Variants in ARL8B observed in about 807,000 individuals in gnomAD.
ARL8B encodes ARF like GTPase 8B.
In ARL8B, 9 loss-of-function variants were observed where a neutral mutation model predicts 30.6. The observed-to-expected ratio is 0.29, with a 90% CI of 0.18 to 0.51. The LOEUF (loss-of-function observed/expected upper bound fraction) is 0.51, where lower values mean the gene tolerates loss of function less well. ARL8B is among the 20% of genes least tolerant of loss of function. The pLI is 0.97. For synonymous variants in ARL8B, 74 were observed against 76.0 expected (o/e 0.97, Z 0.14); for missense variants, 130 against 227.2 (o/e 0.57, Z 2.75).
intron 1 of ARL8B, among the ~76,000 whole-genome samples, chr3:5,140,854 C>G (rs775591876): frequency 1.3e-5 from 2 of 152,148 alleles, no homozygotes; most frequent in Non-Finnish European, 2.9e-5. Context: ...CATCCAAACC[C>G]AAAGAATGGA....
chr3:5,174,291 T>G, intron 5 of ARL8B, 53 bp from the exon 6 acceptor site: 1 of 1,265,494 alleles, frequency 7.9e-7, no homozygotes, highest in South Asian at 1.2e-5. Flanking sequence ...AACAAAGTGA[T>G]AAGTATGACA....
At chr3:5,168,564 C>T (rs1241894669) in intron 1 of ARL8B, among the ~76,000 whole-genome samples, 3 of 152,170 alleles carry the variant, frequency 2.0e-5, no homozygotes, top group Non-Finnish European at 4.4e-5. Flanking sequence ...TGAGAAAGCT[C>T]GGGGGTACCC....
chr3:5,172,354 T>C, intron 3 of ARL8B, 131 bp downstream of exon 3: 2 of 796,204 alleles, frequency 2.5e-6, no homozygotes, highest in Non-Finnish European at 2.1e-6. Flanking sequence ...AATATCCTAG[T>C]GTAATTCCCA....
intron 1 of ARL8B, among the ~76,000 whole-genome samples, chr3:5,162,764 A>G (rs1338051926): frequency 6.6e-6 from 1 of 152,144 alleles, no homozygotes; most frequent in Non-Finnish European, 1.5e-5. Flanking sequence ...GCCCAAATGA[A>G]TCTTTTATTT....
At chr3:5,134,568 T>G (rs1317682306) in intron 1 of ARL8B, among the ~76,000 whole-genome samples, 1 of 152,206 alleles carries the variant, frequency 6.6e-6, no homozygotes, top group Non-Finnish European at 1.5e-5. Context: ...TCTTGACATT[T>G]AAGTTGGGAT....
chr3:5,123,149 C>G (rs1299137989), intron 1 of ARL8B, among the ~76,000 whole-genome samples: 1 of 152,184 alleles, frequency 6.6e-6, no homozygotes, highest in African/African-American at 2.4e-5. Flanking sequence ...TCACCCGTCC[C>G]CCAGGCGCGG....
chr3:5,124,652 A>AT (rs1408574179), intron 1 of ARL8B, among the ~76,000 whole-genome samples: 1 of 151,452 alleles, frequency 6.6e-6, no homozygotes, highest in Non-Finnish European at 1.5e-5. Context: ...TTTAATTTTT[A>AT]TTTTTTATAA....
intron 1 of ARL8B, among the ~76,000 whole-genome samples, chr3:5,148,144 T>A (rs547053057): frequency 5.9e-5 from 9 of 152,156 alleles, no homozygotes; most frequent in African/African-American, 2.2e-4. Flanking sequence ...ATGATAGATA[T>A]CATTTCAGCC....
intron 6 of ARL8B, among the ~76,000 whole-genome samples, chr3:5,178,162 G>A (rs1320777315): frequency 1.3e-5 from 2 of 152,118 alleles, no homozygotes; most frequent in African/African-American, 4.8e-5. Flanking sequence ...CCATCCCTGT[G>A]CTTTAGTCAC....
At chr3:5,160,760 G>A (rs60842168) in intron 1 of ARL8B, among the ~76,000 whole-genome samples, 59,447 of 152,080 alleles carry the variant, frequency 0.39, 13,308 homozygotes, top group African/African-American at 0.64. Flanking sequence ...TTTATCTGCT[G>A]TATTCAATTT....
At chr3:5,142,369 C>T (rs1156977959) in intron 1 of ARL8B, among the ~76,000 whole-genome samples, 4 of 152,162 alleles carry the variant, frequency 2.6e-5, no homozygotes, top group Non-Finnish European at 4.4e-5. Flanking sequence ...GCTTTGGGAT[C>T]TGACCTCTGC....
In ARL8B at chr3:5,137,276, G is replaced by A. The variant is rs556193112; in HGVS notation, c.123+14688G>A. 3.8e-4 allele frequency among the ~76,000 whole-genome samples: 58 copies of A among 151,988 alleles called. 1 individual carries two copies. The South Asian group carries it at 0.011, about 30-fold the overall frequency. On this transcript the variant is annotated intron_variant, in intron 1 of 6. Transcript: ENST00000256496. ...TGGTAGGTTGATGTGATATTCGGGG[G>A]TTAGGGCAGGATCATGTGCTCTACT...
chr3:5,128,366 G>A, intron 1 of ARL8B: 1 of 423,568 alleles, frequency 2.4e-6, no homozygotes, highest in Non-Finnish European at 4.7e-6. Flanking sequence ...ATTCTGAGTT[G>A]TGGAAAATGA....
chr3:5,171,508 G>C (rs758521513), intron 2 of ARL8B, among the ~76,000 whole-genome samples: 13 of 151,928 alleles, frequency 8.6e-5, no homozygotes, highest in Non-Finnish European at 1.8e-4. Flanking sequence ...CACCACACCT[G>C]GCTAATTTTT....
intron 1 of ARL8B, among the ~76,000 whole-genome samples, chr3:5,132,689 CTGAATGAA>C (rs575918695): frequency 3.9e-5 from 6 of 152,102 alleles, no homozygotes; most frequent in African/African-American, 1.4e-4. Flanking sequence ...TCTTTAAATA[CTGAATGAA>C]TGAATGAATG....
At chr3:5,139,772 A>G (rs532265182) in intron 1 of ARL8B, among the ~76,000 whole-genome samples, 21 of 152,310 alleles carry the variant, frequency 1.4e-4, no homozygotes, top group Non-Finnish European at 2.5e-4. Context: ...CCTTAGAGAA[A>G]TGAAACTGAA....
intron 1 of ARL8B, among the ~76,000 whole-genome samples, chr3:5,159,122 T>C (rs1259086389): frequency 6.6e-6 from 1 of 151,394 alleles, no homozygotes; most frequent in Non-Finnish European, 1.5e-5. Flanking sequence ...CTGGCTCAAA[T>C]TTTGTATTTT....
intron 1 of ARL8B, among the ~76,000 whole-genome samples, chr3:5,134,204 G>A (rs1386616267): frequency 6.6e-6 from 1 of 152,168 alleles, no homozygotes; most frequent in Non-Finnish European, 1.5e-5. Flanking sequence ...GTCACTTACC[G>A]TACCCTGCTG....
At chr3:5,176,671 T>C (rs938215242) in intron 6 of ARL8B, among the ~76,000 whole-genome samples, 2 of 152,336 alleles carry the variant, frequency 1.3e-5, no homozygotes, top group Admixed American at 6.5e-5. Context: ...GATAGAATAA[T>C]TCACTTGTTA....
Sources: gnomAD v4.1 joint callset for allele counts (sites outside exome capture counted in the v4.1 genomes callset) on GRCh38, gnomAD v4.1.1 for gene constraint, MANE v1.5 for transcripts, NCBI Gene and HGNC (gene_info 2026-07-23, HGNC 2026-07-21) for gene names.